The following CABLES2 variants were observed in gnomAD, a reference collection of about 807,000 sequenced individuals.
The protein encoded by CABLES2 is CDK5 and ABL1 enzyme substrate 2.
Under a neutral mutation model 44.8 loss-of-function variants are expected in CABLES2, and 35 were observed. The ratio of observed to expected loss-of-function variants is 0.78; its 90% CI spans 0.60 to 1.04. The LOEUF is 1.04. Among genes scored for constraint, CABLES2 ranks in the 50% least tolerant of loss-of-function variants. The probability of loss-of-function intolerance (pLI) is 0.00; values close to 1 mark genes in which losing one functional copy is unlikely to be tolerated. For missense variants in CABLES2, 566 were observed against 615.7 expected (o/e 0.92, Z 0.85); for synonymous variants, 282 against 281.1 (o/e 1.00, Z -0.03).
rs1555891472 is a variant in CABLES2, at chr20:62,407,269, G to C, written c.8C>G (p.Ala3Gly). 6 of 551,124 alleles carry C rather than the reference G, an allele frequency of 1.1e-5. No individual in the cohort carries two copies. The highest frequency in any genetic ancestry group is 1.4e-5 in the Non-Finnish European group (6 of 436,650). The allele number at this position is 551,124 out of a possible 1,614,324, so 34.1% of individuals were successfully genotyped here. ...GCCCGGGGCTCCACCGGCCGCGGCC[G>C]CGGCCATCCTCAGACTGCGCCCGCC... MA[A>G]AAAGGAPGPA... Residue 3 changes from alanine to glycine, a missense_variant, in exon 1 of 10, where the codon GCG (alanine) becomes GGG (glycine). This residue lies in a region of CABLES2 where 130 missense variants were observed against 79.4 expected (regional missense o/e 1.64). Transcript: ENST00000279101.
At chr20:62,401,385 G>A (rs966470824) in intron 1 of CABLES2, among the ~76,000 whole-genome samples, 1 of 152,184 alleles carries the variant, frequency 6.6e-6, no homozygotes, top group Non-Finnish European at 1.5e-5. Flanking sequence ...GCAACTCCAC[G>A]CATCACCGCA....
At chr20:62,398,088 A>ATGGTGGTGG (rs1569017555) in intron 1 of CABLES2, among the ~76,000 whole-genome samples, 6,659 of 51,480 alleles carry the variant, frequency 0.13, 520 homozygotes, top group East Asian at 0.21. Flanking sequence ...GGTGGTGGTG[A>ATGGTGGTGG]CGGTGGTGGT....
At position 62,407,023 on chromosome 20, in the gene CABLES2, G is replaced by A; in HGVS notation, c.254C>T (p.Pro85Leu). The A allele has an allele frequency of 2.6e-6, 3 of 1,155,890 alleles. No individual in the cohort carries two copies. Among genetic ancestry groups the A allele is most frequent in the South Asian group, 4.2e-5 (1 of 23,630 alleles). 71.6% of individuals were successfully genotyped at this position (1,155,890 alleles called of 1,614,324 possible). A position where few individuals can be genotyped will look rare whatever the true frequency, so the allele number is the denominator to read the frequency against. ...PAEAREPPAPPPPEPPTGLPA... is the reference protein window; with the variant it reads ...PAEAREPPAPLPPEPPTGLPA... ...CAGCCCGGTGGGGGGCTCCGGCGGC[G>A]GCGGCGCTGGCGGTTCGCGGGCCTC... The change falls in exon 1 of 10, where the codon CCG becomes CTG. Residue 85 changes from proline (P) to leucine (L), a missense_variant. Physicochemically the swap from Pro to Leu is moderately conservative, Grantham distance 98. Transcript: ENST00000279101.
chr20:62,400,325 T>A (rs1434212356), intron 1 of CABLES2, among the ~76,000 whole-genome samples: 1 of 151,480 alleles, frequency 6.6e-6, no homozygotes, highest in Non-Finnish European at 1.5e-5. Flanking sequence ...CTGAGGGCAG[T>A]GGGAGGGGCA....
intron 1 of CABLES2, among the ~76,000 whole-genome samples, chr20:62,401,277 G>A (rs1988182796): frequency 6.6e-6 from 1 of 152,248 alleles, no homozygotes. Context: ...GCCAAGTGGG[G>A]AGGACGCCGC....
chr20:62,406,216 G>A (rs2146431758), intron 1 of CABLES2, among the ~76,000 whole-genome samples: 1 of 152,262 alleles, frequency 6.6e-6, no homozygotes, highest in East Asian at 1.9e-4. Context: ...TGGCTGTGCA[G>A]GGGCCTCTGG....
intron 8 of CABLES2, among the ~76,000 whole-genome samples, chr20:62,392,015 A>T (rs988810648): frequency 6.6e-6 from 1 of 152,122 alleles, no homozygotes; most frequent in Non-Finnish European, 1.5e-5. Flanking sequence ...GCATGCCTGG[A>T]TGGGGGCGCT....
chr20:62,400,555 G>C (rs1210182408), intron 1 of CABLES2, among the ~76,000 whole-genome samples: 1 of 152,234 alleles, frequency 6.6e-6, no homozygotes, highest in Non-Finnish European at 1.5e-5. Context: ...GACCTACAAG[G>C]CTGGGCCTGG....
chr20:62,396,716 G>T lies in CABLES2; in HGVS notation c.363-124C>A. 1 of 957,018 alleles carries T rather than the reference G, an allele frequency of 1.0e-6. No homozygotes were observed. The highest frequency in any genetic ancestry group is 1.6e-6 in the Non-Finnish European group (1 of 629,498). The allele number at this position is 957,018 out of a possible 1,614,324, so 59.3% of individuals were successfully genotyped here. The stretch of plus-strand genomic sequence containing the variant: ...TCTCCAGCCCAGCGGCGCACCCATG[G>T]GCCGAGGGGCTTCCAGAGCCCATGC... On this transcript the variant is annotated intron_variant, in intron 1 of 9. Coordinates refer to ENST00000279101, the MANE Select transcript of CABLES2 (RefSeq NM_031215.3). This position sits in a 1 kb window ranked among gnomAD's most constrained non-coding sequence, Gnocchi z 5.7.
rs192944917 is a variant in CABLES2 at position 62,401,932 on chromosome 20, G to A, written c.362+4983C>T. ...AACAAGCGAGCAAAGCAGAAAGAACGAGGCCCTCGGCAAGGCCCACGCCCC... is the reference window on the plus strand; with the variant it reads ...AACAAGCGAGCAAAGCAGAAAGAACAAGGCCCTCGGCAAGGCCCACGCCCC... On this transcript the variant is annotated intron_variant, in intron 1 of 9. Transcript: ENST00000279101. Among the ~76,000 whole-genome samples, 43 of 152,368 alleles carry A rather than the reference G, an allele frequency of 2.8e-4. No homozygotes were observed. The South Asian group carries it at 6.2e-3, about 22-fold the overall frequency.
rs1480176918 is a variant in CABLES2, at chr20:62,398,187, A to ATGGTGG, written c.363-1596_363-1595insCCACCA. On this transcript the variant is annotated intron_variant, in intron 1 of 9. Transcript: ENST00000279101. Reference sequence around the variant, plus strand: ...GATGGTGGTAATGGTGGTGGTGGTGATGGTGATGATGGTGGTGATGGTGAT... The same window carrying ATGGTGG: ...GATGGTGGTAATGGTGGTGGTGGTGATGGTGGTGGTGATGATGGTGGTGATGGTGAT... 1.3e-3 allele frequency among the ~76,000 whole-genome samples: 122 copies of ATGGTGG among 92,770 alleles called. 1 individual carries two copies. Among genetic ancestry groups the ATGGTGG allele is most frequent in the Non-Finnish European group, 5.8e-4 (28 of 48,166 alleles). 60.9% of individuals were successfully genotyped at this position (92,770 alleles called of 152,430 possible). A position where few individuals can be genotyped will look rare whatever the true frequency, so the allele number is the denominator to read the frequency against.
Position 62,392,483 on chromosome 20 carries a change from C to G in CABLES2, c.997G>C (p.Glu333Gln). Residue 333 changes from glutamate (E) to glutamine (Q), a missense_variant, in exon 8 of 10, where the codon GAA becomes CAA. Transcript: ENST00000279101. Reference protein sequence around the residue: ...IFASYMTTVIEYVKPSDLKKD... With the variant: ...IFASYMTTVIQYVKPSDLKKD... ...TTGAGGTCTGAGGGCTTCACGTATT[C>G]TATCACTGTGGTCTGCAACAGAGAG... 1 of 1,613,848 alleles carries G rather than the reference C, an allele frequency of 6.2e-7. No homozygotes were observed. Among genetic ancestry groups the G allele is most frequent in the Non-Finnish European group, 8.5e-7 (1 of 1,179,758 alleles).
intron 1 of CABLES2, chr20:62,403,247 C>T (rs1265286536): frequency 2.6e-5 from 4 of 152,382 alleles, no homozygotes; most frequent in Non-Finnish European, 5.9e-5. Flanking sequence ...AGGGTGAAGT[C>T]CTAACCCCAG....
chr20:62,394,923 C>A lies in CABLES2; in HGVS notation c.605+14G>T. 1 of 1,610,684 alleles carries A rather than the reference C, an allele frequency of 6.2e-7. No homozygotes were observed. The highest frequency in any genetic ancestry group is 8.5e-7 in the Non-Finnish European group (1 of 1,178,778). On this transcript the variant is annotated intron_variant, in intron 4 of 9. Coordinates refer to ENST00000279101, the MANE Select transcript of CABLES2 (RefSeq NM_031215.3). Reference sequence around the variant, plus strand: ...AGATGGACACCGCATGCGAGGCAAGCGCTGAGTACTCACCTGATCCGCAGG... The same window carrying A: ...AGATGGACACCGCATGCGAGGCAAGAGCTGAGTACTCACCTGATCCGCAGG...
chr20:62,392,581 C>T, intron 7 of CABLES2, 86 bp from the exon 8 acceptor site: 3 of 1,011,948 alleles, frequency 3.0e-6, no homozygotes, highest in South Asian at 2.6e-5. Context: ...TTCTCACTGT[C>T]CTGGGTTTGC....
Position 62,388,657 on chromosome 20 carries a change from C to G in CABLES2, c.*2314G>C. Reference sequence around the variant, plus strand: ...TATTGCAAAACTGAGGTTTAAAGGACAAATACATTATCCATTTAAAAACAG... The same window carrying G: ...TATTGCAAAACTGAGGTTTAAAGGAGAAATACATTATCCATTTAAAAACAG... On this transcript the variant is annotated 3_prime_UTR_variant, in exon 10 of 10. Coordinates refer to ENST00000279101, the MANE Select transcript of CABLES2 (RefSeq NM_031215.3). 1 of 612,708 alleles carries G rather than the reference C, an allele frequency of 1.6e-6. No individual in the cohort carries two copies. The highest frequency in any genetic ancestry group is 2.9e-6 in the Non-Finnish European group (1 of 346,560). The allele number at this position is 612,708 out of a possible 1,614,324, so 38.0% of individuals were successfully genotyped here. A position where few individuals can be genotyped will look rare whatever the true frequency, so the allele number is the denominator to read the frequency against.
Position 62,392,892 on chromosome 20 carries a change from C to T in CABLES2, c.984+28G>A, listed in dbSNP as rs780187476. The T allele has an allele frequency of 3.1e-6, 5 of 1,596,654 alleles. No homozygotes were observed. In the East Asian group the frequency reaches 1.1e-4, roughly 36 times the overall value. On this transcript the variant is annotated intron_variant, in intron 7 of 9. Coordinates refer to ENST00000279101, the MANE Select transcript of CABLES2 (RefSeq NM_031215.3). Reference sequence around the variant, plus strand: ...GCCAGGACAGGTGTGCAGCTGCCTGCACCCAGGCCCTGGGAGAGGGCACTC... The same window carrying T: ...GCCAGGACAGGTGTGCAGCTGCCTGTACCCAGGCCCTGGGAGAGGGCACTC...
At position 62,396,477 on chromosome 20, in the gene CABLES2, G is replaced by A. The variant is rs761845737; in HGVS notation, c.434+44C>T. ...TCTGGCCCCGCAGGGGTCAGTGGCA[G>A]CCCGAGCGGAGTCGTAGAGCTCGGG... On this transcript the variant is annotated intron_variant, in intron 2 of 9. Transcript: ENST00000279101. The surrounding 1 kb of genome is among the most constrained non-coding windows in gnomAD (Gnocchi z 5.7). 1 of 1,612,928 alleles carries A rather than the reference G, an allele frequency of 6.2e-7. No homozygotes were observed. Among genetic ancestry groups the A allele is most frequent in the Non-Finnish European group, 8.5e-7 (1 of 1,179,074 alleles).
chr20:62,391,467 CAG>C lies in CABLES2; in HGVS notation c.1092-16_1092-15del. 6.2e-7 allele frequency: 1 copy of C among 1,611,724 alleles called. No individual in the cohort carries two copies. Among genetic ancestry groups the C allele is most frequent in the East Asian group, 2.2e-5 (1 of 44,854 alleles). The stretch of plus-strand genomic sequence containing the variant: ...TCCCGCTTTAAGCTGTGGGTTAAGA[CAG>C]AAGCCATGTCCCTGGGGGCTCTGGC... On this transcript the variant is annotated splice_polypyrimidine_tract_variant and intron_variant, in intron 8 of 9. Coordinates refer to ENST00000279101, the MANE Select transcript of CABLES2 (RefSeq NM_031215.3). The surrounding 1 kb of genome is among the most constrained non-coding windows in gnomAD (Gnocchi z 5.7).
Sources: gnomAD v4.1 joint callset for allele counts (sites outside exome capture counted in the v4.1 genomes callset) on GRCh38, gnomAD v4.1.1 for gene constraint, gnomAD v4.1.1 regional missense constraint, Gnocchi (gnomAD v3.1) non-coding constraint, MANE v1.5 for transcripts, NCBI Gene and HGNC (gene_info 2026-07-23, HGNC 2026-07-21) for gene names.